Variants in ZNF654 observed in about 807,000 individuals in gnomAD.
ZNF654 encodes zinc finger protein 654, also known as melanoma-associated antigen.
A neutral mutation model predicts 95.3 loss-of-function variants in ZNF654; 19 were observed. The observed-to-expected ratio is 0.20, with a 90% CI of 0.14 to 0.29. ZNF654 has a LOEUF of 0.29. Ranked by LOEUF, ZNF654 falls within the 10% of genes least tolerant of loss-of-function variation. ZNF654 has a pLI of 1.00. For synonymous variants in ZNF654, 413 were observed against 457.9 expected (o/e 0.90, Z 1.25); for missense variants, 1,046 against 1,341.0 (o/e 0.78, Z 3.44).
intron 7 of ZNF654, chr3:88,135,426 T>A: frequency 3.0e-6 from 1 of 327,976 alleles, no homozygotes. Context: ...ATTGCTTCCA[T>A]TACAACCTTT....
At chr3:88,092,532 G>A (rs1030403600) in intron 2 of ZNF654, among the ~76,000 whole-genome samples, 2 of 152,072 alleles carry the variant, frequency 1.3e-5, no homozygotes, top group African/African-American at 4.8e-5. Flanking sequence ...CTTAGATGAA[G>A]GAGCAGAAGA....
intron 2 of ZNF654, among the ~76,000 whole-genome samples, chr3:88,101,153 A>G (rs900644286): frequency 2.0e-5 from 3 of 151,992 alleles, no homozygotes; most frequent in African/African-American, 7.3e-5. Flanking sequence ...CATATAATTC[A>G]CCCATTGTCA....
At chr3:88,115,569 C>A (rs1466966108) in intron 3 of ZNF654, among the ~76,000 whole-genome samples, 2 of 152,104 alleles carry the variant, frequency 1.3e-5, no homozygotes, top group African/African-American at 4.8e-5. Context: ...AATACCAAAA[C>A]CAAGCTATTA....
At chr3:88,067,420 T>C (rs1707261376) in intron 1 of ZNF654, among the ~76,000 whole-genome samples, 1 of 152,032 alleles carries the variant, frequency 6.6e-6, no homozygotes, top group South Asian at 2.1e-4. Context: ...ATCATAGCCG[T>C]GTGGATGGTA....
chr3:88,068,333 G>T (rs1707318715), intron 1 of ZNF654, among the ~76,000 whole-genome samples: 2 of 152,202 alleles, frequency 1.3e-5, no homozygotes, highest in African/African-American at 4.8e-5. Context: ...TCATTTTCGG[G>T]CTCCACTTGT....
In ZNF654 at chr3:88,144,210, T is replaced by C. The variant is rs1272956926; in HGVS notation, c.*2558T>C. On this transcript the variant is annotated 3_prime_UTR_variant, in exon 9 of 9. Coordinates refer to ENST00000636215, the MANE Select transcript of ZNF654 (RefSeq NM_001350134.2). ...TCCGTGGACAAGGACACTGGTACTT[T>C]GGGCTTTAGCCATATTCATTTTTTT... The C allele has an allele frequency of 2.0e-5, 3 of 152,362 alleles. No homozygotes were observed. Among genetic ancestry groups the C allele is most frequent in the Admixed American group, 6.6e-5 (1 of 15,250 alleles). The allele number at this position is 152,362 out of a possible 1,614,324, so 9.4% of individuals were successfully genotyped here. A position where few individuals can be genotyped will look rare whatever the true frequency, so the allele number is the denominator to read the frequency against.
Position 88,125,215 on chromosome 3 carries a change from C to CA in ZNF654, c.415-908dup, listed in dbSNP as rs71272834. 3.5e-3 allele frequency among the ~76,000 whole-genome samples: 426 copies of CA among 120,748 alleles called. 3 individuals are homozygous for CA. The highest frequency in any genetic ancestry group is 3.9e-3 in the Non-Finnish European group (223 of 56,796). The allele number at this position is 120,748 out of a possible 152,430, so 79.2% of individuals were successfully genotyped here. A position where few individuals can be genotyped will look rare whatever the true frequency, so the allele number is the denominator to read the frequency against. ...GGGCATCAAAGTTAAGACTCCATCTCAAAAAAAAAAACAAAAAAACAAAAA... is the reference window on the plus strand; with the variant it reads ...GGGCATCAAAGTTAAGACTCCATCTCAAAAAAAAAAAACAAAAAAACAAAAA... On this transcript the variant is annotated intron_variant, in intron 3 of 8. Coordinates refer to ENST00000636215, the MANE Select transcript of ZNF654 (RefSeq NM_001350134.2).
chr3:88,117,090 G>A (rs1331282874), intron 3 of ZNF654, among the ~76,000 whole-genome samples: 2 of 152,066 alleles, frequency 1.3e-5, no homozygotes, highest in African/African-American at 4.8e-5. Flanking sequence ...CAACCCGAAA[G>A]AACATACAGA....
Position 88,086,308 on chromosome 3 carries a change from G to T in ZNF654, c.238G>T (p.Val80Phe). The change falls in exon 2 of 9, where the codon GTT (valine) becomes TTT (phenylalanine). Residue 80 changes from valine (V) to phenylalanine (F), a missense_variant. Val to Phe is a conservative substitution (Grantham distance 50, BLOSUM62 -1). Coordinates refer to ENST00000636215, the MANE Select transcript of ZNF654 (RefSeq NM_001350134.2). ...RWQVPLPQLQ[V>F]LQTALCCFTT... ...GCAGGTCCCTTTGCCACAGCTTCAG[G>T]TTCTTCAGACTGCCCTTTGTTGTTT... 1 of 1,534,580 alleles carries T rather than the reference G, an allele frequency of 6.5e-7. No individual in the cohort carries two copies. Among genetic ancestry groups the T allele is most frequent in the Non-Finnish European group, 8.7e-7 (1 of 1,146,704 alleles).
rs570339290 is a variant in ZNF654 at position 88,144,380 on chromosome 3, G to A, written c.*2728G>A. On this transcript the variant is annotated 3_prime_UTR_variant, in exon 9 of 9. Transcript: ENST00000636215. ...TGAAAAACCTAAAAGGGATGATAGT[G>A]TTTATTTTTTAATTTATTTGGTACT... 1.3e-5 allele frequency: 2 copies of A among 152,434 alleles called. No homozygotes were observed. Among genetic ancestry groups the A allele is most frequent in the South Asian group, 4.1e-4 (2 of 4,826 alleles). 9.4% of individuals were successfully genotyped at this position (152,434 alleles called of 1,614,324 possible). A position where few individuals can be genotyped will look rare whatever the true frequency, so the allele number is the denominator to read the frequency against.
chr3:88,060,450 A>T (rs1006568710), intron 1 of ZNF654, among the ~76,000 whole-genome samples: 1 of 152,168 alleles, frequency 6.6e-6, no homozygotes, highest in African/African-American at 2.4e-5. Context: ...GTTCCCATTC[A>T]CAACAATCTT....
chr3:88,116,591 A>G (rs1705418709), intron 3 of ZNF654, among the ~76,000 whole-genome samples: 1 of 107,290 alleles, frequency 9.3e-6, no homozygotes. Flanking sequence ...CACATATATT[A>G]TATATATGTG....
rs1247933697 is a variant in ZNF654, at chr3:88,136,051, A to G, written c.1035+849A>G. On this transcript the variant is annotated intron_variant, in intron 7 of 8. Transcript: ENST00000636215. ...TAACTGCATTTATGGTATGCTTATT[A>G]AATAGTGAAATATCATTCAAATGCA... Among the ~76,000 whole-genome samples, 50 of 152,144 alleles carry G rather than the reference A, an allele frequency of 3.3e-4. 2 individuals are homozygous for G. Among genetic ancestry groups the G allele is most frequent in the Admixed American group, 3.3e-3 (50 of 15,274 alleles).
At chr3:88,129,463 T>C (rs536324810) in intron 5 of ZNF654, among the ~76,000 whole-genome samples, 1 of 152,180 alleles carries the variant, frequency 6.6e-6, no homozygotes, top group East Asian at 1.9e-4. Context: ...CGTATGTACC[T>C]ATAGGTTGTG....
chr3:88,059,326 G>A lies in ZNF654; in HGVS notation c.7G>A (p.Glu3Lys). 6.5e-7 allele frequency: 1 copy of A among 1,534,430 alleles called. No individual in the cohort carries two copies. The highest frequency in any genetic ancestry group is 8.7e-7 in the Non-Finnish European group (1 of 1,146,720). Residue 3 changes from glutamate to lysine, a missense_variant, in exon 1 of 9, where the codon GAG becomes AAG. Glu to Lys is a moderately conservative substitution (Grantham distance 56). Coordinates refer to ENST00000636215, the MANE Select transcript of ZNF654 (RefSeq NM_001350134.2). MA[E>K]EESDQEAERL... ...GCTGGGCGGCGAGAGCCTCATGGCG[G>A]AGGAAGAGAGCGACCAAGAGGCCGA...
At chr3:88,084,868 T>C (rs1266923473) in intron 1 of ZNF654, among the ~76,000 whole-genome samples, 1 of 152,196 alleles carries the variant, frequency 6.6e-6, no homozygotes, top group Non-Finnish European at 1.5e-5. Context: ...TAGTAGGTTT[T>C]CATCACAGTT....
intron 1 of ZNF654, among the ~76,000 whole-genome samples, chr3:88,069,583 T>C (rs1458210228): frequency 6.6e-6 from 1 of 152,354 alleles, no homozygotes; most frequent in African/African-American, 2.4e-5. Flanking sequence ...CTTACCACAC[T>C]ATATCCCCAG....
intron 4 of ZNF654, among the ~76,000 whole-genome samples, chr3:88,128,342 T>C (rs934659656): frequency 1.3e-5 from 2 of 152,156 alleles, no homozygotes; most frequent in Admixed American, 1.3e-4. Context: ...ATTCAACTTT[T>C]TCATTAATTC....
intron 2 of ZNF654, chr3:88,096,046 A>G (rs1704038972): frequency 5.3e-6 from 1 of 189,888 alleles, no homozygotes; most frequent in South Asian, 1.1e-4. Context: ...CCTCTGGGCT[A>G]TCAGTAGTGG....
Sources: gnomAD v4.1 joint callset for allele counts (sites outside exome capture counted in the v4.1 genomes callset) on GRCh38, gnomAD v4.1.1 for gene constraint, MANE v1.5 for transcripts, NCBI Gene and HGNC (gene_info 2026-07-23, HGNC 2026-07-21) for gene names.